The following CACNA1I variants were observed in gnomAD, a reference collection of about 807,000 sequenced individuals.
CACNA1I encodes the protein calcium voltage-gated channel subunit alpha1 I, also known as voltage-dependent T-type calcium channel subunit alpha-1I.
In CACNA1I, 74 loss-of-function variants were observed where a neutral mutation model predicts 201.6. The observed-to-expected ratio is 0.37, with a 90% confidence interval of 0.30 to 0.45. The LOEUF is 0.45. CACNA1I is among the 20% of genes least tolerant of loss of function. CACNA1I has a pLI of 1.00. For missense variants in CACNA1I, 2,346 were observed against 3,138.1 expected, an observed-to-expected ratio of 0.75 and a Z score of 6.03; for synonymous variants, 1,431 against 1,345.2, an observed-to-expected ratio of 1.06 and a Z score of -1.40.
intron 1 of CACNA1I, chr22:39,587,811 T>C: frequency 2.4e-6 from 1 of 422,970 alleles, no homozygotes; most frequent in Non-Finnish European, 4.7e-6. Flanking sequence ...AGTCTTGCTC[T>C]GTCACCCAGG....
chr22:39,630,701 G>T (rs1260892545), intron 4 of CACNA1I, among the ~76,000 whole-genome samples: 3 of 152,370 alleles, frequency 2.0e-5, no homozygotes, highest in Admixed American at 2.0e-4. Flanking sequence ...TCATGGCAGA[G>T]ACACCAGACA....
chr22:39,573,583 C>G (rs952684395), intron 1 of CACNA1I, among the ~76,000 whole-genome samples: 2 of 152,130 alleles, frequency 1.3e-5, no homozygotes, highest in Non-Finnish European at 2.9e-5. Context: ...GCCCTGGGAG[C>G]CCAGGGTGTT....
At chr22:39,640,602 A>G (rs1601486569) in intron 5 of CACNA1I, among the ~76,000 whole-genome samples, 1 of 152,100 alleles carries the variant, frequency 6.6e-6, no homozygotes, top group Admixed American at 6.5e-5. Flanking sequence ...GAGGGAGTTG[A>G]GGGCATCTCC....
At chr22:39,595,242 T>A (rs1217763380) in intron 1 of CACNA1I, among the ~76,000 whole-genome samples, 1 of 151,698 alleles carries the variant, frequency 6.6e-6, no homozygotes, top group Non-Finnish European at 1.5e-5. Flanking sequence ...TGAGCCGAGA[T>A]CACGCCACTG....
chr22:39,658,406 C>A, intron 11 of CACNA1I, 103 bp downstream of exon 11: 1 of 1,072,500 alleles, frequency 9.3e-7, no homozygotes, highest in Non-Finnish European at 1.4e-6. Context: ...TGTGGAAACC[C>A]GTTGCACTGA....
chr22:39,654,781 A>G (rs1364993840), intron 10 of CACNA1I, among the ~76,000 whole-genome samples: 11 of 152,150 alleles, frequency 7.2e-5, no homozygotes, highest in African/African-American at 1.4e-4. Context: ...GACAGGGACC[A>G]GGAGCATAGG....
rs768526757 is a variant in CACNA1I, at chr22:39,642,851, T to G, written c.1111T>G (p.Ser371Ala). The part of the protein sequence containing the change: ...EIMYYVMDAH[S>A]FYNFIYFILL... The stretch of plus-strand genomic sequence containing the variant: ...CATGTACTACGTGATGGATGCTCAC[T>G]CCTTCTACAACTTCATCTACTTCAT... Residue 371 changes from serine (S) to alanine (A), a missense_variant, in exon 7 of 37, where the codon TCC becomes GCC. Around this residue, in one of 13 missense-constraint regions of CACNA1I, gnomAD observed 227 missense variants for 412.5 expected, o/e 0.55. Coordinates refer to ENST00000402142, the MANE Select transcript of CACNA1I (RefSeq NM_021096.4). 1 of 1,611,298 alleles carries G rather than the reference T, an allele frequency of 6.2e-7. No individual in the cohort carries two copies. Among genetic ancestry groups the G allele is most frequent in the Non-Finnish European group, 8.5e-7 (1 of 1,178,506 alleles).
intron 1 of CACNA1I, among the ~76,000 whole-genome samples, chr22:39,575,406 G>A (rs564962612): frequency 1.3e-5 from 2 of 152,180 alleles, no homozygotes; most frequent in African/African-American, 4.8e-5. Context: ...AACTGGAAAA[G>A]CCACCATATG....
intron 1 of CACNA1I, among the ~76,000 whole-genome samples, chr22:39,580,999 C>A (rs1047117518): frequency 6.6e-6 from 1 of 152,216 alleles, no homozygotes; most frequent in Non-Finnish European, 1.5e-5. Context: ...CCGGTGGTGA[C>A]CCTAAGGAGT....
chr22:39,596,240 T>C (rs191085006), intron 1 of CACNA1I, among the ~76,000 whole-genome samples: 1 of 956 alleles, frequency 1.0e-3, no homozygotes, highest in East Asian at 0.018. Context: ...GGGAGCAGGG[T>C]GGAGGGAGAT....
Position 39,634,691 on chromosome 22 carries a change from G to A in CACNA1I, c.707G>A (p.Arg236His), listed in dbSNP as rs984643585. The A allele has an allele frequency of 5.0e-6, 8 of 1,613,770 alleles. No homozygotes were observed. The highest frequency in any genetic ancestry group is 2.2e-5 in the East Asian group (1 of 44,890). ...IGVQLWAGLL[R>H]NRCFLEENFT... Reference sequence around the variant, plus strand: ...GTGCAGCTCTGGGCGGGCCTGCTGCGTAACCGCTGCTTCCTGGAGGAGAAC... The same window carrying A: ...GTGCAGCTCTGGGCGGGCCTGCTGCATAACCGCTGCTTCCTGGAGGAGAAC... Residue 236 changes from arginine (R) to histidine (H), a missense_variant, in exon 5 of 37, where the codon CGT becomes CAT. Coordinates refer to ENST00000402142, the MANE Select transcript of CACNA1I (RefSeq NM_021096.4).
At chr22:39,583,221 AATCCATCC>A (rs151147807) in intron 1 of CACNA1I, among the ~76,000 whole-genome samples, 7 of 113,534 alleles carry the variant, frequency 6.2e-5, no homozygotes, top group African/African-American at 2.2e-4. Context: ...TCCATCCAAC[AATCCATCC>A]ATCCATCCAT....
chr22:39,632,318 C>A (rs1198359588), intron 4 of CACNA1I, among the ~76,000 whole-genome samples: 1 of 152,154 alleles, frequency 6.6e-6, no homozygotes, highest in Non-Finnish European at 1.5e-5. Flanking sequence ...CAGAGCTGAT[C>A]GAGGGTTCTG....
Position 39,614,423 on chromosome 22 carries a change from T to C in CACNA1I, c.483-4887T>C, listed in dbSNP as rs549401434. ...CAGCTGGAGGGAGGTCCTCCAAGCA[T>C]GTGGTCAGGAGCCCGCCTCTCTCCA... On this transcript the variant is annotated intron_variant, in intron 3 of 36. Coordinates refer to ENST00000402142, the MANE Select transcript of CACNA1I (RefSeq NM_021096.4). Among the ~76,000 whole-genome samples the C allele has an allele frequency of 2.6e-4, 40 of 152,304 alleles. 1 individual carries two copies. The South Asian group carries it at 6.2e-3, about 24-fold the overall frequency.
chr22:39,670,223 G>T lies in CACNA1I; in HGVS notation c.4380G>T (p.Lys1460Asn). Residue 1460 changes from lysine to asparagine, a missense_variant, in exon 25 of 37, where the codon AAG becomes AAT. Physicochemically the swap from Lys to Asn is moderately conservative, Grantham distance 94. This residue lies in a region of CACNA1I where 228 missense variants were observed against 395.7 expected (regional missense o/e 0.58). Transcript: ENST00000402142. ...AGCGGCTGCGGCGCCTGGAGAAGAA[G>T]CGCCGGAGTGAGTGGGTGCCTGTGG... ...EEKRLRRLEKKRRKAQRLPYY... is the reference protein window; with the variant it reads ...EEKRLRRLEKNRRKAQRLPYY... 1 of 1,612,100 alleles carries T rather than the reference G, an allele frequency of 6.2e-7. No homozygotes were observed. Among genetic ancestry groups the T allele is most frequent in the African/African-American group, 1.3e-5 (1 of 75,056 alleles).
At chr22:39,572,819 C>T (rs560283957) in intron 1 of CACNA1I, among the ~76,000 whole-genome samples, 7 of 152,040 alleles carry the variant, frequency 4.6e-5, no homozygotes, top group South Asian at 4.2e-4. Flanking sequence ...TGCAGTGGCG[C>T]GATCTCGGCT....
In CACNA1I at chr22:39,622,675, G is replaced by A. The variant is rs1020252903; in HGVS notation, c.580+3268G>A. ...CTGGAACAGGTGTGAGCGAATGGCC[G>A]GTACTGGGCAGGGGTGGGGGTGGGA... is the stretch of plus-strand genomic sequence containing the variant. On this transcript the variant is annotated intron_variant, in intron 4 of 36. Transcript: ENST00000402142. 2.8e-3 allele frequency among the ~76,000 whole-genome samples: 428 copies of A among 151,734 alleles called. 4 individuals carry two copies. Among genetic ancestry groups the A allele is most frequent in the African/African-American group, 1.0e-2 (413 of 41,314 alleles).
rs142041539 is a variant in CACNA1I at position 39,654,091 on chromosome 22, G to T, written c.1993-4061G>T. 4.7e-3 allele frequency among the ~76,000 whole-genome samples: 718 copies of T among 152,348 alleles called. 3 individuals are homozygous for T. Among genetic ancestry groups the T allele is most frequent in the African/African-American group, 0.015 (640 of 41,576 alleles). Reference sequence around the variant, plus strand: ...CCTGGTGTGATCCTCTGGCAGTCTTGTGGGGCAGGCTGGGGGAGCATCTAA... The same window carrying T: ...CCTGGTGTGATCCTCTGGCAGTCTTTTGGGGCAGGCTGGGGGAGCATCTAA... On this transcript the variant is annotated intron_variant, in intron 10 of 36. Transcript: ENST00000402142.
chr22:39,620,162 CCCATCCAT>C (rs140908158), intron 4 of CACNA1I, among the ~76,000 whole-genome samples: 2 of 124,150 alleles, frequency 1.6e-5, no homozygotes, highest in African/African-American at 3.2e-5. Context: ...CATCCACCCA[CCCATCCAT>C]CCATCCATCC....
Sources: allele counts gnomAD v4.1 joint callset (sites outside exome capture counted in the v4.1 genomes callset), GRCh38; gene constraint gnomAD v4.1.1; regional missense constraint gnomAD v4.1.1; transcripts MANE v1.5; gene names NCBI Gene and HGNC (gene_info 2026-07-23, HGNC 2026-07-21).